The following VEPH1 variants were observed in gnomAD, a reference collection of about 807,000 sequenced individuals.
The protein encoded by VEPH1 is ventricular zone expressed PH domain containing 1, also known as ventricular zone-expressed PH domain-containing protein homolog 1.
VEPH1 carries 80 observed loss-of-function variants against 85.2 expected under a neutral mutation model. That is an observed-to-expected ratio of 0.94 (90% CI 0.78 to 1.13). VEPH1 has a LOEUF of 1.13. VEPH1 is among the 50% of genes most tolerant of loss of function. The probability of loss-of-function intolerance (pLI) is 0.00; values close to 1 mark genes in which losing one functional copy is unlikely to be tolerated. For missense variants in VEPH1, 955 were observed against 980.5 expected, an observed-to-expected ratio of 0.97 and a Z score of 0.35; for synonymous variants, 297 against 348.0, an observed-to-expected ratio of 0.85 and a Z score of 1.63.
intron 7 of VEPH1, among the ~76,000 whole-genome samples, chr3:157,371,856 C>T (rs1162497342): frequency 6.6e-6 from 1 of 152,094 alleles, no homozygotes; most frequent in Non-Finnish European, 1.5e-5. Flanking sequence ...TTCAGATGGA[C>T]CCCGAATCTT....
intron 5 of VEPH1, among the ~76,000 whole-genome samples, chr3:157,427,069 C>A (rs1007832041): frequency 6.6e-6 from 1 of 151,958 alleles, no homozygotes; most frequent in Non-Finnish European, 1.5e-5. Flanking sequence ...CTCACTGCAA[C>A]CTTCGTCTCC....
At chr3:157,305,086 CATCT>C (rs1210239657) in intron 11 of VEPH1, among the ~76,000 whole-genome samples, 34 of 75,928 alleles carry the variant, frequency 4.5e-4, no homozygotes, top group Non-Finnish European at 8.3e-4. Context: ...CTCTCTATTT[CATCT>C]ATCTATCTGT....
chr3:157,366,162 C>T (rs549347374), intron 7 of VEPH1, among the ~76,000 whole-genome samples: 1 of 152,230 alleles, frequency 6.6e-6, no homozygotes, highest in East Asian at 1.9e-4. Flanking sequence ...GCCATGAACT[C>T]GGGACAGAGA....
intron 6 of VEPH1, among the ~76,000 whole-genome samples, chr3:157,391,149 G>T (rs1382256777): frequency 2.0e-5 from 3 of 152,338 alleles, no homozygotes; most frequent in Admixed American, 2.0e-4. Flanking sequence ...ATGGGGTCTG[G>T]GCCAGTAGTG....
intron 5 of VEPH1, among the ~76,000 whole-genome samples, chr3:157,427,468 A>C (rs1265836950): frequency 1.3e-5 from 2 of 148,670 alleles, no homozygotes. Flanking sequence ...TTATTTATTT[A>C]TTTTTAAGGC....
chr3:157,375,446 A>G (rs561410990), intron 7 of VEPH1, among the ~76,000 whole-genome samples: 1 of 152,344 alleles, frequency 6.6e-6, no homozygotes, highest in East Asian at 1.9e-4. Context: ...CAGGTTGCAA[A>G]GGGCCTCGTA....
At chr3:157,391,403 G>C (rs1342759210) in intron 6 of VEPH1, among the ~76,000 whole-genome samples, 1 of 152,216 alleles carries the variant, frequency 6.6e-6, no homozygotes, top group Non-Finnish European at 1.5e-5. Context: ...GAGCTAACTT[G>C]GGGAGAGGCT....
At chr3:157,388,149 G>T (rs1351276911) in intron 6 of VEPH1, among the ~76,000 whole-genome samples, 1 of 152,144 alleles carries the variant, frequency 6.6e-6, no homozygotes, top group Non-Finnish European at 1.5e-5. Context: ...ACTTGCAAGG[G>T]CCATTAGAAA....
intron 11 of VEPH1, among the ~76,000 whole-genome samples, chr3:157,313,123 C>T (rs528824495): frequency 6.6e-6 from 1 of 151,840 alleles, no homozygotes; most frequent in South Asian, 2.1e-4. Flanking sequence ...CCAGGATGCT[C>T]TCGATCTCCT....
chr3:157,470,055 A>G (rs1326374733), intron 3 of VEPH1, among the ~76,000 whole-genome samples: 2 of 152,000 alleles, frequency 1.3e-5, no homozygotes, highest in African/African-American at 4.8e-5. Context: ...TTAACTTTTT[A>G]TATGTATACT....
chr3:157,418,095 G>A (rs1732055450), intron 5 of VEPH1, among the ~76,000 whole-genome samples: 1 of 152,150 alleles, frequency 6.6e-6, no homozygotes. Flanking sequence ...GTCTTCACAA[G>A]CTCTGGAAGC....
chr3:157,345,301 A>T (rs1185736619), intron 9 of VEPH1, among the ~76,000 whole-genome samples: 4 of 152,242 alleles, frequency 2.6e-5, no homozygotes, highest in Non-Finnish European at 4.4e-5. Flanking sequence ...TAATATCCAG[A>T]ATCTACAAAG....
At chr3:157,492,173 C>T (rs1368843159) in intron 2 of VEPH1, among the ~76,000 whole-genome samples, 4 of 152,062 alleles carry the variant, frequency 2.6e-5, no homozygotes, top group Admixed American at 2.6e-4. Context: ...TAGATGTAAT[C>T]TCAGGGAGGA....
chr3:157,414,404 G>A (rs1415046266), intron 5 of VEPH1, among the ~76,000 whole-genome samples: 8 of 152,072 alleles, frequency 5.3e-5, no homozygotes, highest in Admixed American at 1.3e-4. Flanking sequence ...CATTGGGAAT[G>A]CTACATTTCC....
At position 157,263,596 on chromosome 3, in the gene VEPH1, A is replaced by G. The variant is rs1396760535; in HGVS notation, c.2265+1930T>C. 1.9e-4 allele frequency among the ~76,000 whole-genome samples: 29 copies of G among 152,158 alleles called. 1 individual carries two copies. The highest frequency in any genetic ancestry group is 1.8e-3 in the Admixed American group (28 of 15,278). On this transcript the variant is annotated intron_variant, in intron 13 of 13. Coordinates refer to ENST00000362010, the MANE Select transcript of VEPH1 (RefSeq NM_001167912.2). ...CTAAAAAAATTTCTTTAAGTTTCCA[A>G]TAGCTGTCTAAATTGAACTGCCCTT...
intron 11 of VEPH1, among the ~76,000 whole-genome samples, chr3:157,299,331 G>A (rs1394698556): frequency 6.6e-6 from 1 of 151,890 alleles, no homozygotes; most frequent in Admixed American, 6.6e-5. Context: ...AGCTGAGGTG[G>A]GTGGATCACT....
intron 2 of VEPH1, among the ~76,000 whole-genome samples, chr3:157,476,477 G>A (rs1737482122): frequency 6.6e-6 from 1 of 152,110 alleles, no homozygotes; most frequent in Non-Finnish European, 1.5e-5. Context: ...ACAGCAGTAG[G>A]CACATAATCA....
chr3:157,386,250 C>CAAAA (rs71302265), intron 6 of VEPH1, among the ~76,000 whole-genome samples: 8,619 of 38,570 alleles, frequency 0.22, 945 homozygotes, highest in East Asian at 0.3. Context: ...AATGGTTCCA[C>CAAAA]AAAAAAAAAA....
rs114090092 is a variant in VEPH1 at position 157,493,355 on chromosome 3, G to C, written c.138+1857C>G. On this transcript the variant is annotated intron_variant, in intron 2 of 13. Transcript: ENST00000362010. ...ATCCAAGGTCATTAGGAGAGGCCTAGAGAGGAATAGCTGGGGCTGGATCTG... is the reference window on the plus strand; with the variant it reads ...ATCCAAGGTCATTAGGAGAGGCCTACAGAGGAATAGCTGGGGCTGGATCTG... 3.1e-3 allele frequency: 1,382 copies of C among 447,466 alleles called. 19 individuals are homozygous for C. The highest frequency in any genetic ancestry group is 0.026 in the African/African-American group (1,277 of 49,728). 27.7% of individuals were successfully genotyped at this position (447,466 alleles called of 1,614,324 possible). A position where few individuals can be genotyped will look rare whatever the true frequency, so the allele number is the denominator to read the frequency against.
Sources: gnomAD v4.1 joint callset for allele counts (sites outside exome capture counted in the v4.1 genomes callset) on GRCh38, gnomAD v4.1.1 for gene constraint, MANE v1.5 for transcripts, NCBI Gene and HGNC (gene_info 2026-07-23, HGNC 2026-07-21) for gene names.